Variants in THADA observed in about 807,000 individuals in gnomAD.
THADA encodes tRNA (32-2'-O)-methyltransferase regulator THADA.
THADA carries 213 observed loss-of-function variants against 219.8 expected under a neutral mutation model. That is an observed-to-expected ratio of 0.97 (90% CI 0.87 to 1.09). The LOEUF (loss-of-function observed/expected upper bound fraction) is 1.09. Among genes scored for constraint, THADA ranks in the 50% least tolerant of loss-of-function variants. The probability of loss-of-function intolerance (pLI) is 0.00; values close to 1 mark genes in which losing one functional copy is unlikely to be tolerated. For missense variants in THADA, 2,956 were observed against 2,311.3 expected (o/e 1.28, Z -5.72); for synonymous variants, 1,018 against 828.9 (o/e 1.23, Z -3.92).
At chr2:43,310,156 T>C (rs970479548) in intron 31 of THADA, among the ~76,000 whole-genome samples, 4 of 151,810 alleles carry the variant, frequency 2.6e-5, no homozygotes, top group Non-Finnish European at 5.9e-5. Context: ...GATCTACAGA[T>C]TTAATGCAAT....
intron 28 of THADA, among the ~76,000 whole-genome samples, chr2:43,427,690 CT>C (rs1391794049): frequency 6.7e-6 from 1 of 149,454 alleles, no homozygotes; most frequent in Non-Finnish European, 1.5e-5. Flanking sequence ...GGCGCGGTGG[CT>C]CATGCCTGTA....
intron 2 of THADA, 63 bp downstream of exon 2, chr2:43,592,254 C>T: frequency 1.6e-6 from 2 of 1,235,600 alleles, no homozygotes; most frequent in East Asian, 2.5e-5. Context: ...GGGTCCCAGT[C>T]ATTAAAATAC....
intron 28 of THADA, chr2:43,408,319 G>T (rs1344511285): frequency 1.3e-5 from 2 of 152,166 alleles, no homozygotes; most frequent in Admixed American, 6.6e-5. Flanking sequence ...GCTTGCCTCG[G>T]CAGCACATAT....
At chr2:43,326,180 A>C (rs1573078184) in intron 30 of THADA, among the ~76,000 whole-genome samples, 2 of 152,010 alleles carry the variant, frequency 1.3e-5, no homozygotes, top group South Asian at 4.1e-4. Context: ...AAAAAAAAAA[A>C]AAAACACTTG....
chr2:43,422,876 AGT>A (rs1317400251), intron 28 of THADA, among the ~76,000 whole-genome samples: 1 of 152,032 alleles, frequency 6.6e-6, no homozygotes, highest in African/African-American at 2.4e-5. Flanking sequence ...CAAATCACCA[AGT>A]CTGGCTAATT....
intron 34 of THADA, among the ~76,000 whole-genome samples, chr2:43,288,164 A>G (rs780523550): frequency 3.9e-5 from 6 of 152,250 alleles, no homozygotes; most frequent in Non-Finnish European, 7.3e-5. Flanking sequence ...CACGGCTATA[A>G]TCCCAGCACT....
intron 26 of THADA, among the ~76,000 whole-genome samples, chr2:43,446,222 C>T (rs1369589037): frequency 6.6e-6 from 1 of 152,200 alleles, no homozygotes; most frequent in African/African-American, 2.4e-5. Context: ...ATTTACTAAA[C>T]AGTTTCTGAT....
At chr2:43,427,861 C>A (rs1006964860) in intron 28 of THADA, among the ~76,000 whole-genome samples, 2 of 149,540 alleles carry the variant, frequency 1.3e-5, no homozygotes, top group Non-Finnish European at 3.0e-5. Flanking sequence ...GAGGCTGAGG[C>A]AGAAGAATGG....
intron 26 of THADA, among the ~76,000 whole-genome samples, chr2:43,476,719 C>T (rs1573846573): frequency 6.6e-6 from 1 of 152,192 alleles, no homozygotes. Context: ...CGGCACTCTT[C>T]ACCCACCCCA....
At chr2:43,439,513 C>A (rs1391501062) in intron 26 of THADA, among the ~76,000 whole-genome samples, 3 of 152,200 alleles carry the variant, frequency 2.0e-5, no homozygotes, top group Non-Finnish European at 4.4e-5. Flanking sequence ...GTAGCCAACT[C>A]TTATCAGATC....
intron 28 of THADA, among the ~76,000 whole-genome samples, chr2:43,399,879 C>CA (rs869226829): frequency 2.7e-4 from 34 of 124,050 alleles, no homozygotes; most frequent in African/African-American, 1.0e-3. Context: ...GACCAAAAAA[C>CA]AAAAAAACAA....
intron 26 of THADA, among the ~76,000 whole-genome samples, chr2:43,469,892 G>A (rs944419711): frequency 6.6e-6 from 1 of 152,184 alleles, no homozygotes; most frequent in African/African-American, 2.4e-5. Context: ...TGAGTAGGAA[G>A]GTGACATGGG....
At chr2:43,361,570 T>A (rs1041281347) in intron 29 of THADA, among the ~76,000 whole-genome samples, 5 of 152,220 alleles carry the variant, frequency 3.3e-5, no homozygotes, top group African/African-American at 1.2e-4. Flanking sequence ...TTCCTGCTTA[T>A]GTTCTTTTTT....
At chr2:43,437,066 C>T (rs543796867) in intron 26 of THADA, among the ~76,000 whole-genome samples, 4 of 152,316 alleles carry the variant, frequency 2.6e-5, no homozygotes, top group African/African-American at 9.6e-5. Flanking sequence ...TATTTTTGCA[C>T]ACCCTGTGGT....
chr2:43,452,963 G>A (rs10206523), intron 26 of THADA, among the ~76,000 whole-genome samples: 8,588 of 152,086 alleles, frequency 0.056, 670 homozygotes, highest in African/African-American at 0.18. Flanking sequence ...AATCAAACCA[G>A]AAAAGAGTGT....
chr2:43,522,110 T>A (rs1020494903), intron 22 of THADA, among the ~76,000 whole-genome samples: 4 of 152,240 alleles, frequency 2.6e-5, no homozygotes, highest in Admixed American at 2.6e-4. Flanking sequence ...ATATTTATTA[T>A]TTCAAAGTTC....
intron 26 of THADA, among the ~76,000 whole-genome samples, chr2:43,432,445 G>A (rs1679483178): frequency 6.6e-6 from 1 of 151,284 alleles, no homozygotes; most frequent in Non-Finnish European, 1.5e-5. Context: ...CTCTTGACAG[G>A]CATGGGTTCT....
intron 36 of THADA, among the ~76,000 whole-genome samples, chr2:43,272,420 G>A (rs1389382796): frequency 6.6e-6 from 1 of 152,144 alleles, no homozygotes; most frequent in Admixed American, 6.5e-5. Flanking sequence ...GAGAGATGGT[G>A]GTGGCTTGGA....
At chr2:43,308,733 G>C (rs149258554) in intron 31 of THADA, among the ~76,000 whole-genome samples, 14 of 84,344 alleles carry the variant, frequency 1.7e-4, no homozygotes, top group African/African-American at 7.1e-4. Context: ...ACAAAAAATG[G>C]TGCTGAAACA....
Sources: gnomAD v4.1 joint callset for allele counts (sites outside exome capture counted in the v4.1 genomes callset) on GRCh38, gnomAD v4.1.1 for gene constraint, MANE v1.5 for transcripts, NCBI Gene and HGNC (gene_info 2026-07-23, HGNC 2026-07-21) for gene names.